Variants in ERC2 observed in about 807,000 individuals in gnomAD.
ERC2 encodes the protein ELKS/RAB6-interacting/CAST family member 2, also known as ERC protein 2.
Under a neutral mutation model 114.8 loss-of-function variants are expected in ERC2, and 42 were observed. The observed-to-expected ratio is 0.37, with a 90% CI of 0.29 to 0.47. The LOEUF is 0.47. Among genes scored for constraint, ERC2 ranks in the 20% least tolerant of loss-of-function variants. The pLI is 0.99. For missense variants in ERC2, 939 were observed against 1,150.7 expected, an observed-to-expected ratio of 0.82 and a Z score of 2.66; for synonymous variants, 454 against 425.5, an observed-to-expected ratio of 1.07 and a Z score of -0.82.
At position 56,186,114 on chromosome 3, in the gene ERC2, TAAAAAAAAAAAAAAAAA is replaced by T. The variant is rs201544979; in HGVS notation, c.1075-12611_1075-12595del. On this transcript the variant is annotated intron_variant, in intron 3 of 17. Transcript: ENST00000288221. ...GAAAGCATATACATCTCAAGAACCTTAAAAAAAAAAAAAAAAAAAAAAAAAAAAAAGAGCACAGCCCT... is the reference window on the plus strand; with the variant it reads ...GAAAGCATATACATCTCAAGAACCTTAAAAAAAAAAAAAGAGCACAGCCCT... Among the ~76,000 whole-genome samples the T allele has an allele frequency of 4.0e-3, 411 of 102,562 alleles. 3 individuals carry two copies. Among genetic ancestry groups the T allele is most frequent in the African/African-American group, 0.015 (395 of 25,936 alleles). 67.3% of individuals were successfully genotyped at this position (102,562 alleles called of 152,430 possible).
At chr3:56,259,053 A>T (rs2052726777) in intron 3 of ERC2, among the ~76,000 whole-genome samples, 1 of 150,814 alleles carries the variant, frequency 6.6e-6, no homozygotes, top group Non-Finnish European at 1.5e-5. Flanking sequence ...GGCTCACAGC[A>T]AACTCCACCT....
At chr3:56,364,431 A>T (rs893081830) in intron 2 of ERC2, among the ~76,000 whole-genome samples, 7 of 152,256 alleles carry the variant, frequency 4.6e-5, no homozygotes, top group Non-Finnish European at 1.0e-4. Flanking sequence ...ACACAATTTT[A>T]AAAAATTAAT....
intron 17 of ERC2, among the ~76,000 whole-genome samples, chr3:55,662,254 A>G (rs756824530): frequency 1.4e-4 from 22 of 152,390 alleles, no homozygotes; most frequent in East Asian, 1.3e-3. Flanking sequence ...ACATACGCCC[A>G]AAGGCATATA....
rs192483362 is a variant in ERC2 at position 56,346,180 on chromosome 3, C to T, written c.658-49745G>A. 5.2e-4 allele frequency among the ~76,000 whole-genome samples: 79 copies of T among 152,030 alleles called. 1 individual carries two copies. In the East Asian group the frequency reaches 5.2e-3, roughly 10 times the overall value. ...TGTAACACTTTGAATAAAAAGGACA[C>T]GCTATATATATATTAAAAGAGCTGC... On this transcript the variant is annotated intron_variant, in intron 2 of 17. Coordinates refer to ENST00000288221, the MANE Select transcript of ERC2 (RefSeq NM_015576.3).
intron 14 of ERC2, among the ~76,000 whole-genome samples, chr3:55,887,408 A>T (rs1378496057): frequency 6.6e-6 from 1 of 152,146 alleles, no homozygotes; most frequent in East Asian, 1.9e-4. Flanking sequence ...ACCATGTGTA[A>T]GGCTTGCTGG....
At chr3:56,034,899 C>G (rs1352321350) in intron 7 of ERC2, among the ~76,000 whole-genome samples, 1 of 151,668 alleles carries the variant, frequency 6.6e-6, no homozygotes, top group African/African-American at 2.4e-5. Context: ...ACAACTTAAC[C>G]TCATACCTCA....
At chr3:55,719,631 T>C (rs1431524082) in intron 15 of ERC2, among the ~76,000 whole-genome samples, 1 of 152,142 alleles carries the variant, frequency 6.6e-6, no homozygotes, top group Admixed American at 6.5e-5. Flanking sequence ...GCTCATACTA[T>C]CTGCTATTAA....
intron 14 of ERC2, among the ~76,000 whole-genome samples, chr3:55,736,589 C>T (rs964012189): frequency 6.6e-6 from 1 of 152,150 alleles, no homozygotes; most frequent in Non-Finnish European, 1.5e-5. Context: ...GGGACCTCAT[C>T]GATCTTGTGC....
chr3:56,301,478 A>G (rs1263505251), intron 2 of ERC2, among the ~76,000 whole-genome samples: 2 of 152,138 alleles, frequency 1.3e-5, no homozygotes, highest in Non-Finnish European at 1.5e-5. Flanking sequence ...GATGTGAAGT[A>G]ATCTTATCCA....
chr3:56,015,172 T>A (rs1265122817), intron 8 of ERC2, among the ~76,000 whole-genome samples: 1 of 152,188 alleles, frequency 6.6e-6, no homozygotes, highest in Admixed American at 6.6e-5. Flanking sequence ...TGTACATTCT[T>A]TATCTTACAA....
chr3:55,902,269 T>C (rs2064177767), intron 13 of ERC2, among the ~76,000 whole-genome samples: 1 of 152,100 alleles, frequency 6.6e-6, no homozygotes, highest in Admixed American at 6.5e-5. Context: ...CTCCTTTATT[T>C]AAAACATTTT....
At chr3:56,266,394 T>A (rs1490209625) in intron 3 of ERC2, among the ~76,000 whole-genome samples, 4 of 152,082 alleles carry the variant, frequency 2.6e-5, no homozygotes, top group Non-Finnish European at 5.9e-5. Flanking sequence ...CCTCCCAAAG[T>A]GCTGGGATTA....
At chr3:55,727,590 A>C (rs917601346) in intron 15 of ERC2, among the ~76,000 whole-genome samples, 2 of 152,222 alleles carry the variant, frequency 1.3e-5, no homozygotes, top group Non-Finnish European at 2.9e-5. Flanking sequence ...TGTTAAGCAC[A>C]ATTGGAATTT....
chr3:55,980,110 A>AG (rs1009414385), intron 12 of ERC2, among the ~76,000 whole-genome samples: 9 of 151,724 alleles, frequency 5.9e-5, no homozygotes, highest in African/African-American at 2.2e-4. Context: ...AAATTAGAAA[A>AG]AAAAAAAAAA....
chr3:55,770,008 G>C (rs962408669), intron 14 of ERC2, among the ~76,000 whole-genome samples: 2 of 152,134 alleles, frequency 1.3e-5, no homozygotes, highest in Admixed American at 6.5e-5. Flanking sequence ...TTGCCCCATC[G>C]TCAGGCTTGG....
At chr3:55,531,848 AAG>A (rs2053687739) in intron 17 of ERC2, among the ~76,000 whole-genome samples, 2 of 152,222 alleles carry the variant, frequency 1.3e-5, no homozygotes, top group African/African-American at 4.8e-5. Flanking sequence ...AACATATTTG[AAG>A]AGTTTTAAGG....
chr3:55,790,160 T>A (rs2069877062), intron 14 of ERC2, among the ~76,000 whole-genome samples: 1 of 152,202 alleles, frequency 6.6e-6, no homozygotes, highest in South Asian at 2.1e-4. Context: ...CTTTTGGGGC[T>A]TTGGGGAGCT....
At chr3:55,702,613 T>A (rs2148831212) in intron 15 of ERC2, among the ~76,000 whole-genome samples, 1 of 152,102 alleles carries the variant, frequency 6.6e-6, no homozygotes, top group East Asian at 1.9e-4. Flanking sequence ...TAGACAAGGG[T>A]CTGGAAGGAC....
chr3:55,693,769 C>T (rs773671902), intron 16 of ERC2, among the ~76,000 whole-genome samples: 42 of 151,408 alleles, frequency 2.8e-4, no homozygotes, highest in Non-Finnish European at 5.0e-4. Flanking sequence ...AGTGCAATGG[C>T]GCGATCTCAG....
Sources: gnomAD v4.1 joint callset for allele counts (sites outside exome capture counted in the v4.1 genomes callset) on GRCh38, gnomAD v4.1.1 for gene constraint, MANE v1.5 for transcripts, NCBI Gene and HGNC (gene_info 2026-07-23, HGNC 2026-07-21) for gene names.